The following CCDC91 variants were observed in gnomAD, a reference collection of about 807,000 sequenced individuals.
CCDC91 encodes coiled-coil domain containing 91.
Under a neutral mutation model 63.2 loss-of-function variants are expected in CCDC91, and 48 were observed. The ratio of observed to expected loss-of-function variants is 0.76; its 90% confidence interval spans 0.60 to 0.97. The LOEUF is 0.97. CCDC91 is among the 50% of genes least tolerant of loss of function. The pLI is 0.00. For missense variants in CCDC91, 500 were observed against 494.6 expected (o/e 1.01, Z -0.10); for synonymous variants, 167 against 165.8 (o/e 1.01, Z -0.06).
chr12:28,522,981 G>A (rs1940878633), intron 12 of CCDC91, among the ~76,000 whole-genome samples: 1 of 152,146 alleles, frequency 6.6e-6, no homozygotes, highest in Admixed American at 6.5e-5. Context: ...GCTGAGGAGT[G>A]CTTTACTTCC....
intron 12 of CCDC91, among the ~76,000 whole-genome samples, chr12:28,538,102 GTTTTTTTATTTTTAGGGT>G (rs1942324361): frequency 1.4e-5 from 2 of 141,790 alleles, no homozygotes; most frequent in Admixed American, 1.5e-4. Flanking sequence ...TAATTTTAGG[GTTTTTTTATTTTTAGGGT>G]TTTTTTTTAA....
chr12:28,487,709 C>T (rs1315794008), intron 12 of CCDC91, among the ~76,000 whole-genome samples: 1 of 151,558 alleles, frequency 6.6e-6, no homozygotes, highest in Non-Finnish European at 1.5e-5. Flanking sequence ...ACTTAAAAGC[C>T]CGATAGACCT....
Position 28,276,524 on chromosome 12 carries a change from C to A in CCDC91, c.109+17082C>A, listed in dbSNP as rs191449541. Among the ~76,000 whole-genome samples, 355 of 151,982 alleles carry A rather than the reference C, an allele frequency of 2.3e-3. 2 individuals carry two copies. The highest frequency in any genetic ancestry group is 8.1e-3 in the African/African-American group (336 of 41,498). On this transcript the variant is annotated intron_variant, in intron 3 of 12. Transcript: ENST00000536442. Reference sequence around the variant, plus strand: ...CACATTTTCCTGTTTCTATCATATACAGTGTGCAGTTCCCTGTGTAACTCA... The same window carrying A: ...CACATTTTCCTGTTTCTATCATATAAAGTGTGCAGTTCCCTGTGTAACTCA...
intron 6 of CCDC91, among the ~76,000 whole-genome samples, chr12:28,318,604 C>T (rs1940161342): frequency 6.6e-6 from 1 of 151,888 alleles, no homozygotes; most frequent in Admixed American, 6.6e-5. Flanking sequence ...AATTAACTGA[C>T]ATTTTAGTCT....
chr12:28,313,208 A>G (rs1346546704), intron 6 of CCDC91, among the ~76,000 whole-genome samples: 1 of 151,976 alleles, frequency 6.6e-6, no homozygotes, highest in Non-Finnish European at 1.5e-5. Context: ...TGGTGCCTGC[A>G]TCTCTGTGGT....
At chr12:28,216,966 A>G (rs1225686491) in intron 1 of CCDC91, among the ~76,000 whole-genome samples, 1 of 152,148 alleles carries the variant, frequency 6.6e-6, no homozygotes, top group African/African-American at 2.4e-5. Flanking sequence ...AATTAGAAAC[A>G]ACTTAAATGT....
chr12:28,203,138 C>T (rs1026814682), intron 1 of CCDC91, among the ~76,000 whole-genome samples: 1 of 152,138 alleles, frequency 6.6e-6, no homozygotes, highest in Non-Finnish European at 1.5e-5. Context: ...TTCTAGTTTT[C>T]AAGGCTCTCA....
At position 28,314,719 on chromosome 12, in the gene CCDC91, G is replaced by T. The variant is rs191942353; in HGVS notation, c.576+6970G>T. Among the ~76,000 whole-genome samples, 157 of 152,100 alleles carry T rather than the reference G, an allele frequency of 1.0e-3. 1 individual carries two copies. The highest frequency in any genetic ancestry group is 3.4e-3 in the African/African-American group (142 of 41,534). ...AAAGAGTAATTAATAAATGGAATGT[G>T]TGTAAAAAATGAAACAATAAGGATT... On this transcript the variant is annotated intron_variant, in intron 6 of 12. Transcript: ENST00000536442.
chr12:28,263,561 A>G (rs1946971694), intron 3 of CCDC91, among the ~76,000 whole-genome samples: 2 of 152,052 alleles, frequency 1.3e-5, no homozygotes, highest in African/African-American at 4.8e-5. Flanking sequence ...TCCATTGCCT[A>G]TATAGACCAC....
chr12:28,340,693 G>A (rs1942350919), intron 6 of CCDC91, among the ~76,000 whole-genome samples: 1 of 152,202 alleles, frequency 6.6e-6, no homozygotes, highest in South Asian at 2.1e-4. Flanking sequence ...AGATGGGCAG[G>A]TTGTGGGGCT....
chr12:28,333,199 T>C (rs901639939), intron 6 of CCDC91, among the ~76,000 whole-genome samples: 1 of 151,568 alleles, frequency 6.6e-6, no homozygotes, highest in Non-Finnish European at 1.5e-5. Flanking sequence ...ATCGAGACTA[T>C]CATGGCTAAC....
chr12:28,207,332 G>A (rs568920724), intron 1 of CCDC91, among the ~76,000 whole-genome samples: 7 of 152,212 alleles, frequency 4.6e-5, no homozygotes, highest in African/African-American at 1.4e-4. Flanking sequence ...ACCCTTCTCA[G>A]TTGTGAGATT....
At chr12:28,519,310 T>A (rs997364464) in intron 12 of CCDC91, among the ~76,000 whole-genome samples, 30 of 151,920 alleles carry the variant, frequency 2.0e-4, no homozygotes, top group African/African-American at 7.3e-4. Context: ...TTTGTTTTGT[T>A]TTGTTTTGTT....
chr12:28,217,391 A>G (rs1943634323), intron 1 of CCDC91, among the ~76,000 whole-genome samples: 1 of 152,120 alleles, frequency 6.6e-6, no homozygotes, highest in Non-Finnish European at 1.5e-5. Context: ...AATTTTAGGA[A>G]ATTTTCCGAA....
At chr12:28,419,657 C>A (rs973257312) in intron 8 of CCDC91, among the ~76,000 whole-genome samples, 5 of 152,014 alleles carry the variant, frequency 3.3e-5, no homozygotes, top group Admixed American at 6.6e-5. Context: ...GAGACATTTA[C>A]TTATTAATCA....
intron 5 of CCDC91, 132 bp downstream of exon 5, chr12:28,307,077 A>ATGAGC (rs1442722942): frequency 3.2e-6 from 2 of 616,636 alleles, no homozygotes; most frequent in African/African-American, 3.7e-5. Flanking sequence ...TAAAGCAGTC[A>ATGAGC]TGAGCTTATC....
intron 7 of CCDC91, among the ~76,000 whole-genome samples, chr12:28,388,919 G>T (rs1299378231): frequency 6.6e-6 from 1 of 152,100 alleles, no homozygotes; most frequent in African/African-American, 2.4e-5. Context: ...AGATAACATT[G>T]AAGAAACCCT....
chr12:28,447,127 C>G (rs990454780), intron 8 of CCDC91, among the ~76,000 whole-genome samples: 1 of 152,044 alleles, frequency 6.6e-6, no homozygotes, highest in Non-Finnish European at 1.5e-5. Context: ...AGGAATTTCT[C>G]ATAAGGCTAT....
Position 28,541,945 on chromosome 12 carries a change from G to A in CCDC91, c.1216-7118G>A, listed in dbSNP as rs139044092. 4.2e-4 allele frequency among the ~76,000 whole-genome samples: 64 copies of A among 152,182 alleles called. 1 individual carries two copies. The highest frequency in any genetic ancestry group is 1.5e-3 in the African/African-American group (61 of 41,546). On this transcript the variant is annotated intron_variant, in intron 12 of 12. Transcript: ENST00000536442. ...CAGAACCCCAAGATAGGATTTCTGT[G>A]CAGCTACTATACAATATTATCCACC...
Sources: gnomAD v4.1 joint callset for allele counts (sites outside exome capture counted in the v4.1 genomes callset) on GRCh38, gnomAD v4.1.1 for gene constraint, MANE v1.5 for transcripts, NCBI Gene and HGNC (gene_info 2026-07-23, HGNC 2026-07-21) for gene names.